The following HECW2 variants were observed in gnomAD, a reference collection of about 807,000 sequenced individuals.
HECW2 encodes HECT, C2 and WW domain containing E3 ubiquitin protein ligase 2.
HECW2 carries 61 observed loss-of-function variants against 175.2 expected under a neutral mutation model. The observed-to-expected ratio is 0.35, with a 90% CI of 0.28 to 0.43. The LOEUF is 0.43. Ranked by LOEUF, HECW2 falls within the 20% of genes least tolerant of loss-of-function variation. The probability of loss-of-function intolerance (pLI) is 1.00; values close to 1 mark genes in which losing one functional copy is unlikely to be tolerated. For synonymous variants in HECW2, 671 were observed against 731.0 expected, an observed-to-expected ratio of 0.92 and a Z score of 1.32; for missense variants, 1,524 against 2,000.5, an observed-to-expected ratio of 0.76 and a Z score of 4.54.
intron 28 of HECW2, among the ~76,000 whole-genome samples, chr2:196,203,677 C>T (rs1003636079): frequency 6.6e-6 from 1 of 152,034 alleles, no homozygotes; most frequent in Non-Finnish European, 1.5e-5. Flanking sequence ...CTCTCTTGCC[C>T]GATTAACTTT....
intron 1 of HECW2, among the ~76,000 whole-genome samples, chr2:196,493,056 A>G (rs941747690): frequency 6.6e-6 from 1 of 152,204 alleles, no homozygotes; most frequent in African/African-American, 2.4e-5. Context: ...GAATCTGCCT[A>G]TTTCTAATAA....
intron 13 of HECW2, among the ~76,000 whole-genome samples, chr2:196,306,005 A>G (rs1691244860): frequency 2.0e-5 from 3 of 152,146 alleles, no homozygotes; most frequent in African/African-American, 7.2e-5. Context: ...CCCAGAGTTC[A>G]TATGTTGAAA....
intron 1 of HECW2, among the ~76,000 whole-genome samples, chr2:196,469,120 C>CGCGTGTGTGT (rs574989114): frequency 1.4e-5 from 2 of 144,740 alleles, no homozygotes; most frequent in African/African-American, 5.2e-5. Context: ...TGTGTGTGTG[C>CGCGTGTGTGT]GTGTGTGTGT....
intron 22 of HECW2, among the ~76,000 whole-genome samples, chr2:196,226,642 G>A (rs530398713): frequency 2.6e-3 from 393 of 152,222 alleles, no homozygotes; most frequent in African/African-American, 8.6e-3. Flanking sequence ...CTCTGGAGGT[G>A]GGGAAAATGC....
intron 2 of HECW2, among the ~76,000 whole-genome samples, chr2:196,411,779 G>C (rs1316751118): frequency 6.6e-6 from 1 of 152,240 alleles, no homozygotes; most frequent in Admixed American, 6.5e-5. Flanking sequence ...GGGAGGCCGA[G>C]GTGGGCAGAT....
chr2:196,449,033 C>A (rs1225073678), intron 1 of HECW2, among the ~76,000 whole-genome samples: 1 of 152,152 alleles, frequency 6.6e-6, no homozygotes, highest in Non-Finnish European at 1.5e-5. Context: ...GAAGTTCTGC[C>A]TCCCACTTCA....
At chr2:196,464,508 T>C (rs557627883) in intron 1 of HECW2, among the ~76,000 whole-genome samples, 1 of 152,170 alleles carries the variant, frequency 6.6e-6, no homozygotes, top group South Asian at 2.1e-4. Context: ...TTCTACTATA[T>C]ACCAAATAAG....
At chr2:196,515,181 G>A (rs972196416) in intron 1 of HECW2, among the ~76,000 whole-genome samples, 15 of 152,208 alleles carry the variant, frequency 9.9e-5, no homozygotes, top group Non-Finnish European at 2.2e-4. Flanking sequence ...CTGTGCTGGC[G>A]CCTGGAGCTG....
At chr2:196,250,964 G>A (rs1688830725) in intron 19 of HECW2, among the ~76,000 whole-genome samples, 1 of 152,180 alleles carries the variant, frequency 6.6e-6, no homozygotes, top group African/African-American at 2.4e-5. Flanking sequence ...CACAGAACCT[G>A]CTTTGGCAAA....
intron 15 of HECW2, 27 bp downstream of exon 15, chr2:196,278,501 G>A (rs1348170620): frequency 1.9e-6 from 3 of 1,608,342 alleles, no homozygotes; most frequent in Admixed American, 3.3e-5. Context: ...TCAACCAACA[G>A]GTCAGTCCCC....
Position 196,309,605 on chromosome 2 carries a change from T to G in HECW2, c.2435-1520A>C, listed in dbSNP as rs571893177. ...CATGCTTTTCCATCTCAAAAGATTT[T>G]GGGAACCAATTACCCCATCTCATTC... On this transcript the variant is annotated intron_variant, in intron 10 of 28. Transcript: ENST00000644978. 1.8e-4 allele frequency among the ~76,000 whole-genome samples: 4 copies of G among 22,284 alleles called. No individual in the cohort carries two copies. The East Asian group carries it at 5.9e-3, about 33-fold the overall frequency. The allele number at this position is 22,284 out of a possible 152,430, so 14.6% of individuals were successfully genotyped here.
chr2:196,250,054 C>T (rs1044573695), intron 19 of HECW2, among the ~76,000 whole-genome samples: 13 of 152,194 alleles, frequency 8.5e-5, no homozygotes, highest in Non-Finnish European at 1.0e-4. Context: ...TGTGTGCAGT[C>T]TTCAAGTGCA....
rs1686672664 is a variant in HECW2 at position 196,195,969 on chromosome 2, TCA to T, written c.*5306_*5307del. ...ATCAGGGAGCATAGCTTTCTTCTTC[TCA>T]GTCTGAAACCAAATTGAAGTATGTT... is the stretch of plus-strand genomic sequence containing the variant. On this transcript the variant is annotated 3_prime_UTR_variant, in exon 29 of 29. Coordinates refer to ENST00000644978, the MANE Select transcript of HECW2 (RefSeq NM_001348768.2). 1 of 152,320 alleles carries T rather than the reference TCA, an allele frequency of 6.6e-6. No individual in the cohort carries two copies. Among genetic ancestry groups the T allele is most frequent in the Admixed American group, 6.5e-5 (1 of 15,302 alleles). The allele number at this position is 152,320 out of a possible 1,614,324, so 9.4% of individuals were successfully genotyped here.
Position 196,433,307 on chromosome 2 carries a change from C to T in HECW2, c.117G>A (p.Glu39=). ...QSLAAQSSMP[E]NMTLQRANSD... ...TGTTGGCCCGCTGCAGGGTCATGTT[C>T]TCTGGCATGGAGCTCTGGGCGGCAA... The change falls in exon 2 of 29, where the codon GAG becomes GAA. Residue 39 remains glutamate, a synonymous_variant. Coordinates refer to ENST00000644978, the MANE Select transcript of HECW2 (RefSeq NM_001348768.2). The T allele has an allele frequency of 6.2e-7, 1 of 1,614,134 alleles. No individual in the cohort carries two copies. Among genetic ancestry groups the T allele is most frequent in the East Asian group, 2.2e-5 (1 of 44,866 alleles).
chr2:196,465,235 T>C (rs911251288), intron 1 of HECW2, among the ~76,000 whole-genome samples: 12 of 152,164 alleles, frequency 7.9e-5, no homozygotes, highest in African/African-American at 2.9e-4. Flanking sequence ...TTTTGGGAAA[T>C]GCTAAGGGGC....
Position 196,225,890 on chromosome 2 carries a change from G to C in HECW2, c.3918-20C>G. On this transcript the variant is annotated intron_variant, in intron 22 of 28. Transcript: ENST00000644978. ...CGGAACCTGTGAAGGAAACACATGA[G>C]ATGGCTTACATGTCATGGAGCAGTT... is the stretch of plus-strand genomic sequence containing the variant. 6.9e-7 allele frequency: 1 copy of C among 1,448,388 alleles called. No individual in the cohort carries two copies. 89.7% of individuals were successfully genotyped at this position (1,448,388 alleles called of 1,614,324 possible).
At chr2:196,385,122 G>A (rs1694311409) in intron 2 of HECW2, among the ~76,000 whole-genome samples, 1 of 151,860 alleles carries the variant, frequency 6.6e-6, no homozygotes, top group South Asian at 2.1e-4. Flanking sequence ...ATGTTGCCCA[G>A]GTTGGTCTTG....
intron 19 of HECW2, among the ~76,000 whole-genome samples, chr2:196,244,775 C>T (rs1023749703): frequency 2.6e-5 from 4 of 152,076 alleles, no homozygotes; most frequent in Non-Finnish European, 4.4e-5. Context: ...TCAGAAGACA[C>T]CAAGAGAACC....
At chr2:196,313,611 C>T (rs977416504) in intron 10 of HECW2, among the ~76,000 whole-genome samples, 6 of 152,138 alleles carry the variant, frequency 3.9e-5, no homozygotes. Context: ...ACTGATCAAA[C>T]TTAGTACTAA....
Sources: gnomAD v4.1 joint callset for allele counts (sites outside exome capture counted in the v4.1 genomes callset) on GRCh38, gnomAD v4.1.1 for gene constraint, MANE v1.5 for transcripts, NCBI Gene and HGNC (gene_info 2026-07-23, HGNC 2026-07-21) for gene names.